The following LAMB3 variants were observed in gnomAD, a reference collection of about 807,000 sequenced individuals.
LAMB3 encodes laminin subunit beta-3.
Under a neutral mutation model 140.3 loss-of-function variants are expected in LAMB3, and 104 were observed. The ratio of observed to expected loss-of-function variants is 0.74; its 90% confidence interval spans 0.63 to 0.87. The LOEUF is 0.87. Ranked by LOEUF, LAMB3 falls within the 40% of genes least tolerant of loss-of-function variation. The pLI is 0.00. For synonymous variants in LAMB3, 592 were observed against 602.9 expected (o/e 0.98, Z 0.26); for missense variants, 1,531 against 1,575.2 (o/e 0.97, Z 0.47).
intron 3 of LAMB3, among the ~76,000 whole-genome samples, chr1:209,640,547 C>CA (rs879572029): frequency 1.4e-3 from 189 of 139,474 alleles, no homozygotes; most frequent in African/African-American, 3.4e-3. Flanking sequence ...GACTCTGTCT[C>CA]AAAAAAAAAA....
At chr1:209,629,553 G>C (rs541741014) in intron 10 of LAMB3, among the ~76,000 whole-genome samples, 184 bp downstream of exon 10, 1 of 152,256 alleles carries the variant, frequency 6.6e-6, no homozygotes, top group East Asian at 1.9e-4. Flanking sequence ...ATGGTCCAGA[G>C]AGGTTAAGTG....
At chr1:209,640,040 CAGGAGAGAGCAAAG>C (rs987983629) in intron 3 of LAMB3, among the ~76,000 whole-genome samples, 3 of 152,224 alleles carry the variant, frequency 2.0e-5, no homozygotes, top group African/African-American at 7.2e-5. Flanking sequence ...CAGCCTGCAA[CAGGAGAGAGCAAAG>C]AGGGGAGCCA....
chr1:209,618,488 C>A lies in LAMB3; in HGVS notation c.2873G>T (p.Arg958Leu), dbSNP rs142984572. 7.4e-6 allele frequency: 12 copies of A among 1,614,100 alleles called. No homozygotes were observed. In the South Asian group the frequency reaches 9.9e-5, roughly 13 times the overall value. The change falls in exon 19 of 23, where the codon CGT becomes CTT. Residue 958 changes from arginine (R) to leucine (L), a missense_variant. Coordinates refer to ENST00000356082, the MANE Select transcript of LAMB3 (RefSeq NM_000228.3). ...AGCCTCAGCCTGCAACCGGCGGGCA[C>A]GCGCAATGTCCTGCTTGGTCTGGGA... ...VLSQTKQDIA[R>L]ARRLQAEAEE...
At chr1:209,634,218 T>C (rs1357335230) in intron 6 of LAMB3, among the ~76,000 whole-genome samples, 2 of 151,964 alleles carry the variant, frequency 1.3e-5, no homozygotes, top group African/African-American at 2.4e-5. Context: ...GGGTGAGTAA[T>C]GCGGTGGCCC....
In LAMB3 at chr1:209,634,774, G is replaced by A. The variant is rs76630709; in HGVS notation, c.373-136C>T. The A allele has an allele frequency of 0.012, 8,068 of 696,700 alleles. 466 individuals are homozygous for A. In the African/African-American group the frequency reaches 0.13, roughly 11 times the overall value. The allele number at this position is 696,700 out of a possible 1,614,324, so 43.2% of individuals were successfully genotyped here. On this transcript the variant is annotated intron_variant, in intron 5 of 22. Transcript: ENST00000356082. ...GGGAGCAAGTGGGCTCGGAGCATCCGGGTCCAAACCTCCTGGCATACCACA... is the reference window on the plus strand; with the variant it reads ...GGGAGCAAGTGGGCTCGGAGCATCCAGGTCCAAACCTCCTGGCATACCACA...
chr1:209,617,811 G>A, intron 20 of LAMB3, 96 bp downstream of exon 20: 1 of 1,511,326 alleles, frequency 6.6e-7, no homozygotes, highest in South Asian at 1.1e-5. Context: ...CTCCACCTCA[G>A]GTTTTATCTA....
intron 5 of LAMB3, among the ~76,000 whole-genome samples, chr1:209,634,938 TCTC>T (rs1666843268): frequency 6.6e-6 from 1 of 151,466 alleles, no homozygotes; most frequent in African/African-American, 2.4e-5. Flanking sequence ...TCTCTCTCTC[TCTC>T]TCTCTCTCTC....
intron 6 of LAMB3, among the ~76,000 whole-genome samples, chr1:209,633,702 G>A (rs140840539): frequency 6.6e-6 from 1 of 152,200 alleles, no homozygotes; most frequent in Non-Finnish European, 1.5e-5. Flanking sequence ...AACCAAGGAG[G>A]AACTGCTAAA....
At chr1:209,626,656 A>G (rs1419972838) in intron 13 of LAMB3, among the ~76,000 whole-genome samples, 1 of 152,198 alleles carries the variant, frequency 6.6e-6, no homozygotes, top group African/African-American at 2.4e-5. Context: ...TGTCACGGGG[A>G]CGCAGGAACA....
At chr1:209,634,389 A>C in intron 6 of LAMB3, 58 bp downstream of exon 6, 1 of 1,540,750 alleles carries the variant, frequency 6.5e-7, no homozygotes, top group South Asian at 1.1e-5. Flanking sequence ...GGCTGTGTGA[A>C]CAGTGGGACA....
At chr1:209,647,748 C>T (rs1448234249) in intron 3 of LAMB3, among the ~76,000 whole-genome samples, 1 of 152,172 alleles carries the variant, frequency 6.6e-6, no homozygotes, top group Non-Finnish European at 1.5e-5. Context: ...AAACTCAATA[C>T]ACGATATGTT....
Position 209,650,037 on chromosome 1 carries a change from C to T in LAMB3, c.110G>A (p.Arg37Lys). ...AGATGAAGCTCGGAGAAACCGGGTC[C>T]TCCCAACAAGCAGGTCCCCAACAGG... ...YPPVGDLLVG[R>K]TRFLRASSTC... Residue 37 changes from arginine (R) to lysine (K), a missense_variant, in exon 3 of 23, where the codon AGG (arginine) becomes AAG (lysine). Coordinates refer to ENST00000356082, the MANE Select transcript of LAMB3 (RefSeq NM_000228.3). 1 of 1,614,180 alleles carries T rather than the reference C, an allele frequency of 6.2e-7. No homozygotes were observed. Among genetic ancestry groups the T allele is most frequent in the East Asian group, 2.2e-5 (1 of 44,860 alleles).
At chr1:209,638,690 T>C in intron 3 of LAMB3, 42 bp from the exon 4 acceptor site, 4 of 1,344,294 alleles carry the variant, frequency 3.0e-6, no homozygotes, top group Non-Finnish European at 4.3e-6. Context: ...GGTGGGGTCC[T>C]GATAGAATTC....
rs774790556 is a variant in LAMB3 at position 209,626,909 on chromosome 1, A to T, written c.1555T>A (p.Cys519Ser). ...ACGTCTCCATAGGTCCGGTCTGGAC[A>T]CTGGCGGATGGCTGCAGCGCTGCAC... is the stretch of plus-strand genomic sequence containing the variant. ...LMCSAAAIRQCPDRTYGDVAT... is the reference protein window; with the variant it reads ...LMCSAAAIRQSPDRTYGDVAT... The change falls in exon 13 of 23, where the codon TGT becomes AGT. Residue 519 changes from cysteine to serine, a missense_variant. Transcript: ENST00000356082. 13 of 1,613,804 alleles carry T rather than the reference A, an allele frequency of 8.1e-6. No individual in the cohort carries two copies. The South Asian group carries it at 1.4e-4, about 18-fold the overall frequency.
intron 9 of LAMB3, among the ~76,000 whole-genome samples, chr1:209,630,346 A>G (rs1666633689): frequency 6.6e-6 from 1 of 152,192 alleles, no homozygotes; most frequent in South Asian, 2.1e-4. Context: ...AAAAATGACA[A>G]TAGAAAAACC....
rs182105392 is a variant in LAMB3 at position 209,630,730 on chromosome 1, G to A, written c.828C>T (p.His276=). 3.5e-5 allele frequency: 56 copies of A among 1,613,758 alleles called. No homozygotes were observed. Among genetic ancestry groups the A allele is most frequent in the Non-Finnish European group, 4.7e-5 (55 of 1,179,990 alleles). The change falls in exon 9 of 23, where the codon CAC becomes CAT. Residue 276 remains histidine, a synonymous_variant. Transcript: ENST00000356082. ...SAGPSTAVQV[H]DVCVCQHNTA... is the part of the protein sequence containing the mutation. ...TGTTGTGCTGGCAGACACAGACATC[G>A]TGGACCTGGGAGGGGGACCGTCAGC...
intron 18 of LAMB3, among the ~76,000 whole-genome samples, chr1:209,620,092 A>T (rs1666132724): frequency 1.3e-5 from 2 of 152,172 alleles, no homozygotes; most frequent in Admixed American, 6.5e-5. Flanking sequence ...CCCTTCCTTT[A>T]CTCTGCACCA....
intron 8 of LAMB3, among the ~76,000 whole-genome samples, chr1:209,632,360 T>C (rs1051062251): frequency 6.6e-6 from 1 of 152,216 alleles, no homozygotes; most frequent in Non-Finnish European, 1.5e-5. Flanking sequence ...CTTATGTAAA[T>C]GAAATGAAAA....
Position 209,615,244 on chromosome 1 carries a change from T to G in LAMB3, c.*27A>C, listed in dbSNP as rs575310994. ...ACCAAAAGCAAAGGCGGCAGATGAG[T>G]GGGGCAACGGGCTGGAAGCTGTAGC... On this transcript the variant is annotated 3_prime_UTR_variant, in exon 23 of 23. Coordinates refer to ENST00000356082, the MANE Select transcript of LAMB3 (RefSeq NM_000228.3). 1.9e-6 allele frequency: 3 copies of G among 1,613,784 alleles called. No homozygotes were observed. The East Asian group carries it at 6.7e-5, about 36-fold the overall frequency.
Sources: allele counts gnomAD v4.1 joint callset (sites outside exome capture counted in the v4.1 genomes callset), GRCh38; gene constraint gnomAD v4.1.1; transcripts MANE v1.5; gene names NCBI Gene and HGNC (gene_info 2026-07-23, HGNC 2026-07-21).